Variants in NCALD observed in about 807,000 individuals in gnomAD.
NCALD encodes neurocalcin-delta.
NCALD carries 10 observed loss-of-function variants against 18.6 expected under a neutral mutation model. The observed-to-expected ratio is 0.54, with a 90% CI of 0.33 to 0.91. NCALD has a LOEUF of 0.91. Among genes scored for constraint, NCALD ranks in the 40% least tolerant of loss-of-function variants. The pLI is 0.03. For missense variants in NCALD, 184 were observed against 247.6 expected (o/e 0.74, Z 1.72); for synonymous variants, 88 against 87.4 (o/e 1.01, Z -0.04).
At chr8:101,911,854 T>C (rs918634436) in intron 3 of NCALD, among the ~76,000 whole-genome samples, 3 of 152,162 alleles carry the variant, frequency 2.0e-5, no homozygotes, top group Non-Finnish European at 4.4e-5. Flanking sequence ...ATAGACACAA[T>C]GATGACATGA....
intron 2 of NCALD, among the ~76,000 whole-genome samples, chr8:101,920,397 A>C (rs1818120027): frequency 6.6e-6 from 1 of 152,230 alleles, no homozygotes; most frequent in African/African-American, 2.4e-5. Context: ...AAAGAAAATA[A>C]ATCATTCTAC....
intron 2 of NCALD, among the ~76,000 whole-genome samples, chr8:102,010,210 A>C (rs563302217): frequency 3.3e-5 from 5 of 152,378 alleles, no homozygotes; most frequent in African/African-American, 7.2e-5. Flanking sequence ...CTTTGCACAC[A>C]GCCCTTTCTC....
At chr8:102,047,369 CA>C (rs951558655) in intron 1 of NCALD, among the ~76,000 whole-genome samples, 11 of 152,064 alleles carry the variant, frequency 7.2e-5, no homozygotes, top group African/African-American at 2.4e-4. Context: ...TATGAATTTC[CA>C]ATGCCATTGA....
intron 1 of NCALD, among the ~76,000 whole-genome samples, chr8:101,731,144 CGA>C (rs1816813545): frequency 6.6e-6 from 1 of 152,004 alleles, no homozygotes; most frequent in Non-Finnish European, 1.5e-5. Flanking sequence ...AAACAGTGAA[CGA>C]GAGGGCTCTA....
In NCALD at chr8:101,966,888, T is replaced by C. The variant is rs368065235; in HGVS notation, c.-156-51030A>G. Among the ~76,000 whole-genome samples, 10 of 152,314 alleles carry C rather than the reference T, an allele frequency of 6.6e-5. No individual in the cohort carries two copies. In the South Asian group the frequency reaches 1.2e-3, roughly 19 times the overall value. ...GCATAATTAAACCATGGCACATTTA[T>C]ACAAGAGAATGCACCCATTAAAAGT... On this transcript the variant is annotated intron_variant, in intron 2 of 6. Coordinates refer to the NCALD transcript ENST00000311028.
intron 2 of NCALD, among the ~76,000 whole-genome samples, chr8:101,963,429 C>T (rs1209491269): frequency 6.6e-6 from 1 of 152,132 alleles, no homozygotes; most frequent in African/African-American, 2.4e-5. Flanking sequence ...ACTTCTGTTT[C>T]CTGCAACCTA....
At chr8:101,721,378 G>A (rs970067910) in intron 1 of NCALD, 1 of 152,458 alleles carries the variant, frequency 6.6e-6, no homozygotes, top group Admixed American at 6.6e-5. Context: ...ATGGCATTTG[G>A]TGAATGAATG....
rs1424102600 is a variant in NCALD, at chr8:101,808,711, C to G, written c.-20+78430G>C. Among the ~76,000 whole-genome samples, 4 of 152,190 alleles carry G rather than the reference C, an allele frequency of 2.6e-5. No homozygotes were observed. The East Asian group carries it at 7.8e-4, about 30-fold the overall frequency. On this transcript the variant is annotated intron_variant, in intron 4 of 6. Transcript: ENST00000311028. Reference sequence around the variant, plus strand: ...TATGTTAATTCCTTTTACCATTCTACTGCTTGGGACCATGAGTATGGTGAC... The same window carrying G: ...TATGTTAATTCCTTTTACCATTCTAGTGCTTGGGACCATGAGTATGGTGAC...
intron 1 of NCALD, among the ~76,000 whole-genome samples, chr8:102,075,263 T>A (rs1267001504): frequency 2.0e-5 from 3 of 151,936 alleles, no homozygotes; most frequent in Non-Finnish European, 4.4e-5. Context: ...CAAAAGGAAA[T>A]TTTTCCCTAT....
intron 1 of NCALD, among the ~76,000 whole-genome samples, chr8:101,769,459 ATAT>A (rs1811491614): frequency 6.6e-6 from 1 of 152,188 alleles, no homozygotes; most frequent in Non-Finnish European, 1.5e-5. Flanking sequence ...CATACTCTAG[ATAT>A]TTCCAAACCT....
At chr8:102,040,581 C>A (rs992321412) in intron 1 of NCALD, among the ~76,000 whole-genome samples, 1 of 152,112 alleles carries the variant, frequency 6.6e-6, no homozygotes. Context: ...GGAAAGAACA[C>A]CCACTCAGCC....
intron 4 of NCALD, among the ~76,000 whole-genome samples, chr8:101,882,238 C>G (rs543897): frequency 0.33 from 49,613 of 152,018 alleles, 9,365 homozygotes; most frequent in African/African-American, 0.51. Context: ...GCTATGGTCT[C>G]AATGTTTGTG....
chr8:101,809,102 G>A lies in NCALD; in HGVS notation c.-20+78039C>T, dbSNP rs144108172. ...TCCCTAAAGAAGAAAATAGAAGTGC[G>A]TTCTAAAAGCATTGCAGAAGAAATA... On this transcript the variant is annotated intron_variant, in intron 4 of 6. Transcript: ENST00000311028. Among the ~76,000 whole-genome samples, 1,318 of 152,136 alleles carry A rather than the reference G, an allele frequency of 8.7e-3. 13 individuals carry two copies. The highest frequency in any genetic ancestry group is 0.013 in the Non-Finnish European group (888 of 67,994).
chr8:101,846,319 A>G (rs992823414), intron 4 of NCALD, among the ~76,000 whole-genome samples: 2 of 152,214 alleles, frequency 1.3e-5, no homozygotes, highest in Non-Finnish European at 2.9e-5. Flanking sequence ...CTTTCTCCAC[A>G]ATCTTGCCAA....
intron 4 of NCALD, among the ~76,000 whole-genome samples, chr8:101,853,669 G>A (rs565259): frequency 0.38 from 57,858 of 151,864 alleles, 13,641 homozygotes; most frequent in African/African-American, 0.66. Context: ...AGGTTTTTGT[G>A]GGGAGGCCGG....
chr8:101,903,974 A>T (rs1273395349), intron 3 of NCALD, among the ~76,000 whole-genome samples: 1 of 152,210 alleles, frequency 6.6e-6, no homozygotes, highest in African/African-American at 2.4e-5. Context: ...AATCCCACAC[A>T]TTCCCCAAAA....
chr8:102,109,522 CCCAT>C (rs1306332093), intron 1 of NCALD, among the ~76,000 whole-genome samples: 3 of 152,132 alleles, frequency 2.0e-5, no homozygotes, highest in Admixed American at 2.0e-4. Context: ...AGCAGGCTGT[CCCAT>C]CAGTGGAATA....
intron 2 of NCALD, among the ~76,000 whole-genome samples, chr8:101,927,052 T>C (rs1330434603): frequency 3.3e-5 from 5 of 152,162 alleles, no homozygotes; most frequent in African/African-American, 1.2e-4. Flanking sequence ...CCTCCTTCAC[T>C]CTGAGTATTG....
At chr8:101,792,381 C>A (rs1732116357), upstream of NCALD, among the ~76,000 whole-genome samples, 1 of 152,112 alleles carries the variant, frequency 6.6e-6, no homozygotes, top group Admixed American at 6.5e-5. Context: ...TTTCATCTTC[C>A]TTTATTTCTG....
Sources: allele counts gnomAD v4.1 joint callset (sites outside exome capture counted in the v4.1 genomes callset), GRCh38; gene constraint gnomAD v4.1.1; transcripts MANE v1.5; gene names NCBI Gene and HGNC (gene_info 2026-07-23, HGNC 2026-07-21).